Variants in LAMA2 observed in about 807,000 individuals in gnomAD.
LAMA2 encodes the protein laminin subunit alpha-2.
LAMA2 carries 269 observed loss-of-function variants against 364.8 expected under a neutral mutation model. That is an observed-to-expected ratio of 0.74 (90% CI 0.67 to 0.82). The LOEUF (loss-of-function observed/expected upper bound fraction) is 0.82. LAMA2 is among the 40% of genes least tolerant of loss of function. LAMA2 has a pLI of 0.00. For synonymous variants in LAMA2, 1,379 were observed against 1,370.6 expected (o/e 1.01, Z -0.14); for missense variants, 3,807 against 3,873.2 (o/e 0.98, Z 0.45).
intron 58 of LAMA2, among the ~76,000 whole-genome samples, chr6:129,499,890 T>A (rs114215144): frequency 0.011 from 1,674 of 151,724 alleles, 28 homozygotes; most frequent in African/African-American, 0.038. Flanking sequence ...GCTAATTTTT[T>A]ATTTTTTTAA....
intron 28 of LAMA2, among the ~76,000 whole-genome samples, chr6:129,322,090 A>G (rs899081636): frequency 6.6e-6 from 1 of 152,226 alleles, no homozygotes; most frequent in Non-Finnish European, 1.5e-5. Flanking sequence ...TCAAGGAAAA[A>G]GTTTATAAAA....
At chr6:128,921,796 C>A (rs189366992) in intron 1 of LAMA2, among the ~76,000 whole-genome samples, 1 of 150,180 alleles carries the variant, frequency 6.7e-6, no homozygotes, top group Admixed American at 6.7e-5. Context: ...CATGCTTGTG[C>A]GCTGCACCCA....
intron 58 of LAMA2, among the ~76,000 whole-genome samples, chr6:129,497,921 G>A (rs1003187079): frequency 2.6e-5 from 4 of 152,088 alleles, no homozygotes; most frequent in Non-Finnish European, 4.4e-5. Flanking sequence ...TTAGCCCATC[G>A]AGAGCTAGAG....
intron 1 of LAMA2, among the ~76,000 whole-genome samples, chr6:128,897,453 A>G (rs933892931): frequency 6.6e-6 from 1 of 152,204 alleles, no homozygotes; most frequent in Non-Finnish European, 1.5e-5. Flanking sequence ...CTTAATTGGT[A>G]AGAATGTGCT....
intron 41 of LAMA2, among the ~76,000 whole-genome samples, chr6:129,435,466 G>T (rs1202783815): frequency 6.6e-6 from 1 of 152,124 alleles, no homozygotes; most frequent in Non-Finnish European, 1.5e-5. Context: ...TAAGAAAGAT[G>T]AATTGTGATT....
rs776104105 is a variant in LAMA2 at position 129,465,272 on chromosome 6, C to G, written c.7283C>G (p.Ser2428Ter). 8.7e-6 allele frequency: 14 copies of G among 1,610,956 alleles called. No individual in the cohort carries two copies. The highest frequency in any genetic ancestry group is 1.2e-5 in the Non-Finnish European group (14 of 1,178,004). ...NDGKWKSFTL[S>*]RIQKQANISI... Reference sequence around the variant, plus strand: ...GGGAAATGGAAATCATTCACTCTGTCAAGAATTCAAAAACAAGGTGAGTTT... The same window carrying G: ...GGGAAATGGAAATCATTCACTCTGTGAAGAATTCAAAAACAAGGTGAGTTT... The change falls in exon 51 of 65, where the codon TCA becomes TGA. Residue 2428 changes from serine to a stop codon, truncating the protein, a stop_gained. Transcript: ENST00000421865. LOFTEE classifies it high-confidence loss of function.
Position 129,401,803 on chromosome 6 carries a change from C to A in LAMA2, c.5562+463C>A, listed in dbSNP as rs532951083. ...AAGTGGCATTGTTTAAATAGATAGG[C>A]TTTTCTTGGTCTAAGTTGGTTTCTT... On this transcript the variant is annotated intron_variant, in intron 38 of 64. Coordinates refer to ENST00000421865, the MANE Select transcript of LAMA2 (RefSeq NM_000426.4). 8.1e-4 allele frequency among the ~76,000 whole-genome samples: 123 copies of A among 151,832 alleles called. 1 individual carries two copies. The highest frequency in any genetic ancestry group is 2.9e-3 in the African/African-American group (119 of 41,298).
At chr6:129,405,768 A>G (rs531132946) in intron 40 of LAMA2, among the ~76,000 whole-genome samples, 415 of 152,284 alleles carry the variant, frequency 2.7e-3, no homozygotes, top group Middle Eastern at 6.8e-3. Flanking sequence ...TTTGAAAAGC[A>G]TTACGTTGAG....
chr6:129,501,454 T>A (rs138495131), intron 58 of LAMA2, among the ~76,000 whole-genome samples: 52 of 152,300 alleles, frequency 3.4e-4, no homozygotes, highest in African/African-American at 1.2e-3. Context: ...CTTTAAGCCT[T>A]TTACCTGCTG....
At chr6:129,075,840 G>A (rs1026808503) in intron 3 of LAMA2, among the ~76,000 whole-genome samples, 15 of 152,094 alleles carry the variant, frequency 9.9e-5, no homozygotes, top group African/African-American at 4.8e-5. Flanking sequence ...TGTAAGCCCA[G>A]CACTTTGGGA....
chr6:128,981,400 C>T lies in LAMA2; in HGVS notation c.113-68518C>T, dbSNP rs563112789. Among the ~76,000 whole-genome samples, 8 of 152,086 alleles carry T rather than the reference C, an allele frequency of 5.3e-5. No individual in the cohort carries two copies. In the South Asian group the frequency reaches 1.5e-3, roughly 28 times the overall value. On this transcript the variant is annotated intron_variant, in intron 1 of 64. Coordinates refer to ENST00000421865, the MANE Select transcript of LAMA2 (RefSeq NM_000426.4). Reference sequence around the variant, plus strand: ...TCTCACCCTTGCCTGCACTTCTAGCCTCCACTCTCAAAACTCTTTCACACA... The same window carrying T: ...TCTCACCCTTGCCTGCACTTCTAGCTTCCACTCTCAAAACTCTTTCACACA...
intron 1 of LAMA2, among the ~76,000 whole-genome samples, chr6:128,891,993 A>AT (rs896467658): frequency 1.2e-4 from 18 of 152,062 alleles, no homozygotes; most frequent in African/African-American, 4.3e-4. Context: ...ACGGAGTTAA[A>AT]TTTTCTATTC....
Position 129,402,226 on chromosome 6 carries a change from A to AC in LAMA2, c.5563-98_5563-97insC. ...TCTGTCTCAAAAAAAAAAAAAAAAA[A>AC]ACTAAACTAAACGTGTAGTTATGTC... On this transcript the variant is annotated intron_variant, in intron 38 of 64. Transcript: ENST00000421865. 6.5e-6 allele frequency: 6 copies of AC among 927,180 alleles called. No individual in the cohort carries two copies. In the African/African-American group the frequency reaches 1.0e-4, roughly 16 times the overall value. 57.4% of individuals were successfully genotyped at this position (927,180 alleles called of 1,614,324 possible).
chr6:129,445,216 A>AG (rs1749475691), intron 44 of LAMA2, among the ~76,000 whole-genome samples: 1 of 152,234 alleles, frequency 6.6e-6, no homozygotes, highest in Admixed American at 6.5e-5. Context: ...GTGCAAAAAA[A>AG]GACGGTGAGA....
At chr6:129,324,620 T>A (rs1032022226) in intron 28 of LAMA2, among the ~76,000 whole-genome samples, 10 of 152,180 alleles carry the variant, frequency 6.6e-5, no homozygotes. Flanking sequence ...CAAACCTAAA[T>A]GGTGTAGCCT....
At chr6:128,927,489 A>G (rs978462742) in intron 1 of LAMA2, among the ~76,000 whole-genome samples, 1 of 152,132 alleles carries the variant, frequency 6.6e-6, no homozygotes, top group Non-Finnish European at 1.5e-5. Context: ...CTAACTTTCT[A>G]TCTCCTTTGG....
At chr6:129,297,133 T>C (rs1562429287) in intron 20 of LAMA2, among the ~76,000 whole-genome samples, 1 of 152,184 alleles carries the variant, frequency 6.6e-6, no homozygotes, top group Non-Finnish European at 1.5e-5. Context: ...AGTGTAAGCA[T>C]AACCTGAAAA....
At position 129,088,498 on chromosome 6, in the gene LAMA2, C is replaced by G. The variant is rs1583019958; in HGVS notation, c.397-9675C>G. Among the ~76,000 whole-genome samples the G allele has an allele frequency of 2.7e-5, 4 of 150,478 alleles. No homozygotes were observed. The South Asian group carries it at 8.5e-4, about 32-fold the overall frequency. On this transcript the variant is annotated intron_variant, in intron 3 of 64. Transcript: ENST00000421865. ...GTAGAGGCGCCCCCCACCTCCCTCC[C>G]AGACGGGGTGGCTGGCCAGGCGGGG... is the stretch of plus-strand genomic sequence containing the variant.
In LAMA2 at chr6:129,432,981, A is replaced by T. The variant is rs182368472; in HGVS notation, c.5968+5127A>T. On this transcript the variant is annotated intron_variant, in intron 41 of 64. Transcript: ENST00000421865. ...TAATTTCTTACTTTCAGATCAGAAGAGGGTTTCTCCATAACCTGACTCCCT... is the reference window on the plus strand; with the variant it reads ...TAATTTCTTACTTTCAGATCAGAAGTGGGTTTCTCCATAACCTGACTCCCT... 2.6e-5 allele frequency among the ~76,000 whole-genome samples: 4 copies of T among 152,272 alleles called. No homozygotes were observed. In the East Asian group the frequency reaches 7.7e-4, roughly 29 times the overall value.
Sources: allele counts gnomAD v4.1 joint callset (sites outside exome capture counted in the v4.1 genomes callset), GRCh38; gene constraint gnomAD v4.1.1; transcripts MANE v1.5; gene names NCBI Gene and HGNC (gene_info 2026-07-23, HGNC 2026-07-21).